Variants in TMEM231 observed in about 807,000 individuals in gnomAD.
TMEM231 encodes transmembrane protein 231.
Under a neutral mutation model 38.5 loss-of-function variants are expected in TMEM231, and 40 were observed. The observed-to-expected ratio is 1.04, with a 90% confidence interval of 0.81 to 1.35. The LOEUF is 1.35. TMEM231 is among the 40% of genes most tolerant of loss of function. The pLI is 0.00. For synonymous variants in TMEM231, 199 were observed against 181.7 expected (o/e 1.10, Z -0.77); for missense variants, 420 against 416.9 (o/e 1.01, Z -0.07).
chr16:75,550,857 C>T (rs942705620), intron 2 of TMEM231, among the ~76,000 whole-genome samples: 3 of 151,926 alleles, frequency 2.0e-5, no homozygotes, highest in South Asian at 2.1e-4. Context: ...GCTGGGATTA[C>T]AGGAACCTGC....
chr16:75,545,327 G>C (rs192191142), intron 4 of TMEM231, 25 bp downstream of exon 4: 203 of 1,602,866 alleles, frequency 1.3e-4, no homozygotes, highest in Non-Finnish European at 1.6e-5. Context: ...AAACAAAGGA[G>C]CTGGACAATG....
intron 5 of TMEM231, chr16:75,541,949 T>C (rs2080632413): frequency 6.5e-6 from 1 of 153,298 alleles, no homozygotes; most frequent in Admixed American, 6.5e-5. Context: ...ATAATGCCAC[T>C]AGTATATGCC....
intron 4 of TMEM231, among the ~76,000 whole-genome samples, chr16:75,544,515 G>A (rs1044640234): frequency 3.9e-5 from 6 of 152,176 alleles, no homozygotes; most frequent in African/African-American, 1.2e-4. Context: ...TGGGACAAGT[G>A]GCTGGAGTGC....
intron 2 of TMEM231, among the ~76,000 whole-genome samples, chr16:75,547,998 G>A (rs552347962): frequency 6.6e-6 from 1 of 152,278 alleles, no homozygotes; most frequent in South Asian, 2.1e-4. Flanking sequence ...CCAACACACT[G>A]TGGGAGGGGG....
intron 2 of TMEM231, chr16:75,555,416 C>A (rs985179726): frequency 4.0e-5 from 8 of 202,046 alleles, no homozygotes; most frequent in Non-Finnish European, 7.9e-5. Flanking sequence ...AGAAACGCCG[C>A]GACAGAATGG....
Position 75,556,173 on chromosome 16 carries a change from G to C in TMEM231, c.37C>G (p.Arg13Gly). The C allele has an allele frequency of 6.5e-7, 1 of 1,535,356 alleles. No homozygotes were observed. Among genetic ancestry groups the C allele is most frequent in the South Asian group, 1.2e-5 (1 of 80,200 alleles). The change falls in exon 1 of 7, where the codon CGC becomes GGC. Residue 13 changes from arginine (R) to glycine (G), a missense_variant. Physicochemically the swap from Arg to Gly is moderately radical, Grantham distance 125. Transcript: ENST00000258173. Reference protein sequence around the residue: ...LYELFSHPVERSYRAGLCSKA... With the variant: ...LYELFSHPVEGSYRAGLCSKA... ...GAGCAGAGCCCCGCGCGGTAACTGC[G>C]CTCGACCGGGTGAGAGAAGAGCTCA...
chr16:75,551,481 G>A (rs1302829493), intron 2 of TMEM231, among the ~76,000 whole-genome samples: 1 of 152,296 alleles, frequency 6.6e-6, no homozygotes, highest in East Asian at 1.9e-4. Context: ...ACAGTGCTCA[G>A]CCTTGTATTT....
chr16:75,546,203 A>G, intron 2 of TMEM231: 2 of 1,097,704 alleles, frequency 1.8e-6, no homozygotes, highest in Non-Finnish European at 2.6e-6. Context: ...GGCAATAACA[A>G]AAAACATCTG....
At chr16:75,551,752 A>G (rs1334570506) in intron 2 of TMEM231, among the ~76,000 whole-genome samples, 32 of 152,062 alleles carry the variant, frequency 2.1e-4, no homozygotes, top group Admixed American at 2.1e-3. Flanking sequence ...ACCTGAGGTC[A>G]GGAGTTCGAG....
chr16:75,546,092 C>CAGAT, intron 2 of TMEM231, 138 bp from the exon 3 acceptor site: 3 of 1,544,398 alleles, frequency 1.9e-6, no homozygotes, highest in Non-Finnish European at 2.6e-6. Flanking sequence ...AAGAGAAAAG[C>CAGAT]AGATAGATGT....
chr16:75,552,797 A>G (rs1452147733), intron 2 of TMEM231, among the ~76,000 whole-genome samples: 1 of 152,156 alleles, frequency 6.6e-6, no homozygotes, highest in Non-Finnish European at 1.5e-5. Context: ...ACAGTTGATA[A>G]CCACAGACAG....
intron 2 of TMEM231, among the ~76,000 whole-genome samples, chr16:75,551,354 C>A (rs758128698): frequency 1.1e-4 from 16 of 152,154 alleles, no homozygotes; most frequent in Non-Finnish European, 2.4e-4. Context: ...TTCACCACTA[C>A]CCCTGGCTAA....
At chr16:75,542,419 G>A (rs1193814347) in intron 5 of TMEM231, 183 bp downstream of exon 5, 10 of 613,932 alleles carry the variant, frequency 1.6e-5, no homozygotes, top group Admixed American at 7.1e-5. Flanking sequence ...GGGTGGGGGC[G>A]GTCCCAGGTC....
intron 6 of TMEM231, 70 bp downstream of exon 6, chr16:75,541,280 A>C: frequency 8.3e-7 from 1 of 1,206,884 alleles, no homozygotes; most frequent in Non-Finnish European, 1.1e-6. Flanking sequence ...TTGGCCTCCC[A>C]AAGTGCTGAA....
At chr16:75,543,697 G>A (rs918591148) in intron 4 of TMEM231, among the ~76,000 whole-genome samples, 2 of 152,164 alleles carry the variant, frequency 1.3e-5, no homozygotes, top group Non-Finnish European at 2.9e-5. Flanking sequence ...TTTAAATATA[G>A]AGATATAGAT....
At chr16:75,547,584 T>C (rs1336368146) in intron 2 of TMEM231, among the ~76,000 whole-genome samples, 3 of 151,948 alleles carry the variant, frequency 2.0e-5, no homozygotes, top group South Asian at 2.1e-4. Context: ...ATCGAGACCA[T>C]CCTGGCCAAC....
In TMEM231 at chr16:75,542,612, C is replaced by T; in HGVS notation, c.654G>A (p.Gln218=). Residue 218 remains glutamine (Q), a synonymous_variant, in exon 5 of 7, where the codon CAG becomes CAA. Coordinates refer to ENST00000258173, the MANE Select transcript of TMEM231 (RefSeq NM_001077418.3). Reference sequence around the variant, plus strand: ...CTACCTGTGACTCACCGTTCCTCTCCTGGTAGGCAGCAACAATATGGGTGA... The same window carrying T: ...CTACCTGTGACTCACCGTTCCTCTCTTGGTAGGCAGCAACAATATGGGTGA... ...YDLTHIVAAY[Q]ERNVTTVLND... 4 of 1,613,872 alleles carry T rather than the reference C, an allele frequency of 2.5e-6. No individual in the cohort carries two copies. The highest frequency in any genetic ancestry group is 3.4e-6 in the Non-Finnish European group (4 of 1,179,824).
chr16:75,547,824 G>A (rs186010187), intron 2 of TMEM231, among the ~76,000 whole-genome samples: 45 of 152,244 alleles, frequency 3.0e-4, no homozygotes, highest in African/African-American at 1.0e-3. Flanking sequence ...CTTGTCTCCT[G>A]TGGATTTTCT....
intron 2 of TMEM231, among the ~76,000 whole-genome samples, chr16:75,551,887 A>C (rs2080765864): frequency 6.6e-6 from 1 of 151,578 alleles, no homozygotes; most frequent in East Asian, 2.0e-4. Context: ...GCTTGAACCC[A>C]GGAGGCGGAG....
Sources: allele counts gnomAD v4.1 joint callset (sites outside exome capture counted in the v4.1 genomes callset), GRCh38; gene constraint gnomAD v4.1.1; transcripts MANE v1.5; gene names NCBI Gene and HGNC (gene_info 2026-07-23, HGNC 2026-07-21).